Variants in SPIDR observed in about 807,000 individuals in gnomAD.
SPIDR encodes scaffold protein involved in DNA repair.
A neutral mutation model predicts 104.6 loss-of-function variants in SPIDR; 93 were observed. That is an observed-to-expected ratio of 0.89 (90% CI 0.75 to 1.06). The LOEUF is 1.06. SPIDR is among the 50% of genes least tolerant of loss of function. The pLI, the probability that SPIDR is intolerant of heterozygous loss-of-function variation, is 0.00. For missense variants in SPIDR, 1,154 were observed against 1,111.2 expected, an observed-to-expected ratio of 1.04 and a Z score of -0.55; for synonymous variants, 431 against 416.9, an observed-to-expected ratio of 1.03 and a Z score of -0.41.
chr8:47,705,632 G>A (rs2080970585), intron 14 of SPIDR, among the ~76,000 whole-genome samples: 2 of 152,180 alleles, frequency 1.3e-5, no homozygotes, highest in Admixed American at 6.5e-5. Context: ...GACTAGGCGT[G>A]GTGGCTCACG....
chr8:47,664,299 A>G (rs2074565922), intron 10 of SPIDR, among the ~76,000 whole-genome samples: 1 of 152,156 alleles, frequency 6.6e-6, no homozygotes, highest in South Asian at 2.1e-4. Flanking sequence ...CCGGAAGACT[A>G]GTGGGGGTAG....
At chr8:47,689,095 T>C (rs774902911) in intron 11 of SPIDR, among the ~76,000 whole-genome samples, 6 of 152,230 alleles carry the variant, frequency 3.9e-5, no homozygotes, top group Non-Finnish European at 8.8e-5. Context: ...AATTTATGTG[T>C]TGTAGGTGGC....
chr8:47,486,389 A>G (rs868937911), intron 8 of SPIDR, among the ~76,000 whole-genome samples: 3 of 152,216 alleles, frequency 2.0e-5, no homozygotes, highest in Admixed American at 6.5e-5. Flanking sequence ...GGTGTACCTG[A>G]AAGTGACGGG....
At chr8:47,379,166 T>G (rs1215548585) in intron 5 of SPIDR, among the ~76,000 whole-genome samples, 1 of 152,150 alleles carries the variant, frequency 6.6e-6, no homozygotes, top group African/African-American at 2.4e-5. Context: ...GAAGCAGAAC[T>G]GCACTACCTC....
chr8:47,630,589 TACATCCATCCTG>T (rs1186444617), intron 10 of SPIDR, among the ~76,000 whole-genome samples: 1 of 152,228 alleles, frequency 6.6e-6, no homozygotes, highest in Non-Finnish European at 1.5e-5. Context: ...TGCAGTTCCC[TACATCCATCCTG>T]GGTGATCTGA....
At chr8:47,292,589 A>G (rs915485752) in intron 4 of SPIDR, among the ~76,000 whole-genome samples, 1 of 152,148 alleles carries the variant, frequency 6.6e-6, no homozygotes, top group African/African-American at 2.4e-5. Context: ...AAAAGTTTTT[A>G]TAACTTTTGG....
intron 7 of SPIDR, among the ~76,000 whole-genome samples, chr8:47,435,847 A>G (rs927029281): frequency 5.9e-5 from 9 of 152,162 alleles, no homozygotes; most frequent in Non-Finnish European, 1.3e-4. Flanking sequence ...CCTATTCTTA[A>G]CTGGCATTTA....
Position 47,322,760 on chromosome 8 carries a change from A to G in SPIDR, c.525+28730A>G, listed in dbSNP as rs186496067. Among the ~76,000 whole-genome samples the G allele has an allele frequency of 3.9e-5, 6 of 152,310 alleles. No homozygotes were observed. In the East Asian group the frequency reaches 1.2e-3, roughly 29 times the overall value. ...ACACCATGGAATACTATGCAGCCAT[A>G]AAAAAGGATGAGTTCATGTCCTTTG... On this transcript the variant is annotated intron_variant, in intron 5 of 19. Coordinates refer to ENST00000297423, the MANE Select transcript of SPIDR (RefSeq NM_001080394.4).
chr8:47,321,497 A>AT (rs1329002012), intron 5 of SPIDR, among the ~76,000 whole-genome samples: 1 of 152,258 alleles, frequency 6.6e-6, no homozygotes, highest in Non-Finnish European at 1.5e-5. Flanking sequence ...AAGAATCAGT[A>AT]TCATGAAAAT....
At chr8:47,385,967 G>A (rs1021222301) in intron 5 of SPIDR, among the ~76,000 whole-genome samples, 1 of 151,884 alleles carries the variant, frequency 6.6e-6, no homozygotes, top group Admixed American at 6.6e-5. Flanking sequence ...TTTTTAAAAT[G>A]TATCCATATT....
intron 1 of SPIDR, chr8:47,277,143 G>T (rs1486863304): frequency 6.6e-6 from 1 of 151,920 alleles, no homozygotes; most frequent in Non-Finnish European, 1.5e-5. Context: ...GGTCAGGCTG[G>T]TCTCGAACTC....
At chr8:47,453,396 C>T (rs1554707513) in intron 8 of SPIDR, among the ~76,000 whole-genome samples, 1 of 152,124 alleles carries the variant, frequency 6.6e-6, no homozygotes, top group Non-Finnish European at 1.5e-5. Context: ...CAGAGGGGAG[C>T]CCGCATTGCC....
intron 6 of SPIDR, among the ~76,000 whole-genome samples, chr8:47,407,401 A>C (rs1328153662): frequency 2.6e-5 from 4 of 152,228 alleles, no homozygotes; most frequent in Non-Finnish European, 4.4e-5. Flanking sequence ...CCCACTTTAC[A>C]TTTCTTTGCT....
At chr8:47,486,397 G>A (rs564184509) in intron 8 of SPIDR, among the ~76,000 whole-genome samples, 6 of 152,308 alleles carry the variant, frequency 3.9e-5, no homozygotes, top group South Asian at 2.1e-4. Context: ...TGAAAGTGAC[G>A]GGGAGAATGG....
intron 8 of SPIDR, among the ~76,000 whole-genome samples, chr8:47,577,896 T>C (rs533580353): frequency 6.6e-6 from 1 of 152,318 alleles, no homozygotes; most frequent in South Asian, 2.1e-4. Context: ...TTCTGATTCC[T>C]GCAAACATTT....
chr8:47,437,684 A>G (rs1390411008), intron 7 of SPIDR, among the ~76,000 whole-genome samples: 3 of 152,030 alleles, frequency 2.0e-5, no homozygotes, highest in East Asian at 1.9e-4. Context: ...CAAAACCACA[A>G]TGAGATACCA....
intron 8 of SPIDR, among the ~76,000 whole-genome samples, chr8:47,573,038 C>T (rs867142424): frequency 6.6e-6 from 1 of 152,174 alleles, no homozygotes; most frequent in East Asian, 1.9e-4. Context: ...TAAGTAAAAA[C>T]CCATTTACAT....
At chr8:47,535,643 A>G (rs2086777076) in intron 8 of SPIDR, among the ~76,000 whole-genome samples, 2 of 152,204 alleles carry the variant, frequency 1.3e-5, no homozygotes, top group Admixed American at 6.5e-5. Flanking sequence ...TTATGAATAG[A>G]TGGAAGAAAA....
chr8:47,700,315 G>A, intron 11 of SPIDR, 88 bp from the exon 12 acceptor site: 1 of 1,315,902 alleles, frequency 7.6e-7, no homozygotes, highest in Middle Eastern at 1.8e-4. Context: ...TTAGGCATTA[G>A]AGTCTGTTAA....
Sources: allele counts gnomAD v4.1 joint callset (sites outside exome capture counted in the v4.1 genomes callset), GRCh38; gene constraint gnomAD v4.1.1; transcripts MANE v1.5; gene names NCBI Gene and HGNC (gene_info 2026-07-23, HGNC 2026-07-21).